Variants in FHL2 observed in about 807,000 individuals in gnomAD.
The protein encoded by FHL2 is four and a half LIM domains protein 2.
FHL2 carries 20 observed loss-of-function variants against 32.7 expected under a neutral mutation model. That is an observed-to-expected ratio of 0.61 (90% CI 0.43 to 0.89). The LOEUF is 0.89. Ranked by LOEUF, FHL2 falls within the 40% of genes least tolerant of loss-of-function variation. The pLI, the probability that FHL2 is intolerant of heterozygous loss-of-function variation, is 0.00. For missense variants in FHL2, 311 were observed against 358.6 expected (o/e 0.87, Z 1.07); for synonymous variants, 123 against 128.1 (o/e 0.96, Z 0.27).
chr2:105,398,380 CACA>C (rs1479808950), intron 1 of FHL2, among the ~76,000 whole-genome samples: 5 of 152,252 alleles, frequency 3.3e-5, no homozygotes, highest in Non-Finnish European at 5.9e-5. Context: ...GGAGCGAGGT[CACA>C]CTGCAAACTC....
chr2:105,410,542 T>G (rs1450097388), intron 1 of FHL2, among the ~76,000 whole-genome samples: 1 of 152,172 alleles, frequency 6.6e-6, no homozygotes, highest in Admixed American at 6.5e-5. Context: ...CTAGCAGATT[T>G]AGCAGGGTGA....
In FHL2 at chr2:105,424,254, C is replaced by T. The variant is rs186035006; in HGVS notation, c.-25+14145G>A. ...CGCTTCTCAAAAGAAGACATTTATGCAGCCAACAGACACATGAAAAAATGC... is the reference window on the plus strand; with the variant it reads ...CGCTTCTCAAAAGAAGACATTTATGTAGCCAACAGACACATGAAAAAATGC... On this transcript the variant is annotated intron_variant, in intron 1 of 5. Coordinates refer to the FHL2 transcript ENST00000393352. 8.2e-3 allele frequency among the ~76,000 whole-genome samples: 1,254 copies of T among 152,324 alleles called. 14 individuals carry two copies. Among genetic ancestry groups the T allele is most frequent in the Admixed American group, 0.012 (179 of 15,310 alleles).
At chr2:105,409,684 C>T (rs1683736791) in intron 1 of FHL2, among the ~76,000 whole-genome samples, 1 of 152,156 alleles carries the variant, frequency 6.6e-6, no homozygotes, top group Non-Finnish European at 1.5e-5. Flanking sequence ...CATCTAGGCT[C>T]TTTGTCCCAG....
intron 1 of FHL2, 110 bp from the exon 2 acceptor site, chr2:105,396,807 A>T: frequency 1.1e-6 from 1 of 919,710 alleles, no homozygotes; most frequent in Non-Finnish European, 1.7e-6. Flanking sequence ...TCAAATTCTC[A>T]TAATAAAACC....
chr2:105,363,179 G>A, intron 6 of FHL2, 106 bp downstream of exon 6: 3 of 1,052,954 alleles, frequency 2.8e-6, no homozygotes, highest in Non-Finnish European at 4.2e-6. Context: ...CAGAGCCTTA[G>A]GGAGGTCTGG....
In FHL2 at chr2:105,413,477, AAAAC is replaced by A. The variant is rs149231434; in HGVS notation, c.-25+24918_-25+24921del. ...GAACTTTGTAAGATATCAGAAAAAA[AAAAC>A]AGTTTACAAAAATTTTTTTAGAGGC... On this transcript the variant is annotated intron_variant, in intron 1 of 5. Coordinates refer to the FHL2 transcript ENST00000393352. Among the ~76,000 whole-genome samples, 1,161 of 152,180 alleles carry A rather than the reference AAAAC, an allele frequency of 7.6e-3. 21 individuals carry two copies. The highest frequency in any genetic ancestry group is 0.027 in the African/African-American group (1,110 of 41,518).
At chr2:105,375,283 A>G (rs1329559672) in intron 3 of FHL2, 1 of 152,222 alleles carries the variant, frequency 6.6e-6, no homozygotes, top group Non-Finnish European at 1.5e-5. Context: ...AAAAATGTGA[A>G]CGCTGAGACA....
intron 1 of FHL2, among the ~76,000 whole-genome samples, chr2:105,415,851 T>C (rs1357216284): frequency 1.3e-5 from 2 of 152,200 alleles, no homozygotes; most frequent in Admixed American, 6.5e-5. Flanking sequence ...TACCCCATGG[T>C]GGGAAAATGG....
chr2:105,435,365 G>A (rs2104688925), intron 1 of FHL2, among the ~76,000 whole-genome samples: 1 of 152,250 alleles, frequency 6.6e-6, no homozygotes, highest in East Asian at 1.9e-4. Flanking sequence ...ACGACTTGGA[G>A]TAGAACATTC....
intron 5 of FHL2, 24 bp downstream of exon 5, chr2:105,367,546 G>C: frequency 6.3e-7 from 1 of 1,585,668 alleles, no homozygotes; most frequent in Admixed American, 1.7e-5. Flanking sequence ...GAACGTGCAA[G>C]GGCCAAGGGG....
chr2:105,361,090 A>G lies in FHL2; in HGVS notation c.*193T>C. 2.0e-6 allele frequency: 1 copy of G among 488,880 alleles called. No homozygotes were observed. Among genetic ancestry groups the G allele is most frequent in the Non-Finnish European group, 3.5e-6 (1 of 284,982 alleles). The allele number at this position is 488,880 out of a possible 1,614,324, so 30.3% of individuals were successfully genotyped here. A position where few individuals can be genotyped will look rare whatever the true frequency, so the allele number is the denominator to read the frequency against. On this transcript the variant is annotated 3_prime_UTR_variant, in exon 7 of 7. Coordinates refer to ENST00000530340, the MANE Select transcript of FHL2 (RefSeq NM_001318895.3). Reference sequence around the variant, plus strand: ...ATCTTCCCACCTAGGGCCTAGGGCGAGTTTTCTCTTTCCCTGGGACTGAAC... The same window carrying G: ...ATCTTCCCACCTAGGGCCTAGGGCGGGTTTTCTCTTTCCCTGGGACTGAAC...
At chr2:105,388,957 C>T (rs1361933387) in intron 2 of FHL2, among the ~76,000 whole-genome samples, 1 of 152,206 alleles carries the variant, frequency 6.6e-6, no homozygotes, top group East Asian at 1.9e-4. Flanking sequence ...AGAATCAGAC[C>T]TTCTGATGCA....
intron 4 of FHL2, among the ~76,000 whole-genome samples, chr2:105,368,310 T>G (rs1278037232): frequency 6.6e-6 from 1 of 152,186 alleles, no homozygotes; most frequent in East Asian, 1.9e-4. Context: ...CTGTACTAAG[T>G]GCTATAATTA....
At chr2:105,413,269 C>T (rs535583690) in intron 1 of FHL2, among the ~76,000 whole-genome samples, 5 of 152,238 alleles carry the variant, frequency 3.3e-5, no homozygotes, top group African/African-American at 9.6e-5. Context: ...TTTCTTCACT[C>T]TCCTGACAAA....
At chr2:105,430,313 G>T (rs941218707) in intron 1 of FHL2, among the ~76,000 whole-genome samples, 7 of 152,244 alleles carry the variant, frequency 4.6e-5, no homozygotes, top group African/African-American at 1.7e-4. Flanking sequence ...TCCTCCTCTT[G>T]TTTCCTTTCC....
In FHL2 at chr2:105,424,642, G is replaced by T. The variant is rs144394872; in HGVS notation, c.-25+13757C>A. The stretch of plus-strand genomic sequence containing the variant: ...GGAACCAACCCAAATGCCCATCAAT[G>T]ATAGACTGGGTAAAGAAAAAGTGGC... On this transcript the variant is annotated intron_variant, in intron 1 of 5. Transcript: ENST00000393352. Among the ~76,000 whole-genome samples the T allele has an allele frequency of 7.4e-3, 1,128 of 152,322 alleles. 19 individuals carry two copies. Among genetic ancestry groups the T allele is most frequent in the African/African-American group, 0.026 (1,066 of 41,572 alleles).
intron 5 of FHL2, among the ~76,000 whole-genome samples, chr2:105,366,380 C>G (rs1217659945): frequency 6.6e-6 from 1 of 152,140 alleles, no homozygotes; most frequent in African/African-American, 2.4e-5. Flanking sequence ...AGGGTAGAGG[C>G]CCCAAGGGCA....
At position 105,366,018 on chromosome 2, in the gene FHL2, C is replaced by A. The variant is rs370638719; in HGVS notation, c.501+1552G>T. Among the ~76,000 whole-genome samples, 4 of 151,578 alleles carry A rather than the reference C, an allele frequency of 2.6e-5. No homozygotes were observed. The East Asian group carries it at 7.8e-4, about 30-fold the overall frequency. The stretch of plus-strand genomic sequence containing the variant: ...TCAGGAGTTCCGAGATCAGCCTGGC[C>A]AACATGTTGAAACCCCGTCTGTACT... On this transcript the variant is annotated intron_variant, in intron 5 of 6. Transcript: ENST00000530340.
intron 1 of FHL2, among the ~76,000 whole-genome samples, chr2:105,423,064 G>A (rs1684153516): frequency 6.6e-6 from 1 of 152,178 alleles, no homozygotes; most frequent in South Asian, 2.1e-4. Flanking sequence ...CCTGACTCAG[G>A]AAGTGGTATC....
Sources: allele counts gnomAD v4.1 joint callset (sites outside exome capture counted in the v4.1 genomes callset), GRCh38; gene constraint gnomAD v4.1.1; transcripts MANE v1.5; gene names NCBI Gene and HGNC (gene_info 2026-07-23, HGNC 2026-07-21).